ATP2B4: variants seen among roughly 807,000 people sequenced by gnomAD.
The protein encoded by ATP2B4 is ATPase plasma membrane Ca2+ transporting 4.
ATP2B4 carries 39 observed loss-of-function variants against 110.3 expected under a neutral mutation model. The observed-to-expected ratio is 0.35, with a 90% CI of 0.27 to 0.46. The LOEUF (loss-of-function observed/expected upper bound fraction) is 0.46, where lower values mean the gene tolerates loss of function less well. ATP2B4 is among the 20% of genes least tolerant of loss of function. ATP2B4 has a pLI of 1.00. For missense variants in ATP2B4, 1,135 were observed against 1,530.9 expected (o/e 0.74, Z 4.32); for synonymous variants, 538 against 571.7 (o/e 0.94, Z 0.84).
intron 1 of ATP2B4, among the ~76,000 whole-genome samples, chr1:203,680,608 C>CAAA (rs372298550): frequency 7.6e-5 from 10 of 130,784 alleles, no homozygotes; most frequent in East Asian, 4.6e-4. Context: ...GACTCCGTCT[C>CAAA]AAAAAAAAAA....
chr1:203,739,764 T>C lies in ATP2B4; in HGVS notation c.3528T>C (p.Tyr1176=), dbSNP rs755549383. 5 of 1,614,074 alleles carry C rather than the reference T, an allele frequency of 3.1e-6. No homozygotes were observed. The African/African-American group carries it at 4.0e-5, about 13-fold the overall frequency. The change falls in exon 21 of 21, where the codon TAT becomes TAC. Residue 1176 remains tyrosine (Y), a synonymous_variant. Transcript: ENST00000357681. ...VLLLDGEVTP[Y]ANTNNNAVDC... ...TGTTGGATGGTGAGGTCACTCCATA[T>C]GCCAATACAAACAACAATGCGGTGG... is the stretch of plus-strand genomic sequence containing the variant.
chr1:203,720,848 A>G (rs1666300002), intron 16 of ATP2B4, 108 bp downstream of exon 16: 3 of 1,313,894 alleles, frequency 2.3e-6, no homozygotes, highest in South Asian at 1.5e-5. Flanking sequence ...GCGTTTCCCC[A>G]TGACATTGGG....
At chr1:203,691,819 AT>A (rs1665385292) in intron 2 of ATP2B4, among the ~76,000 whole-genome samples, 2 of 152,194 alleles carry the variant, frequency 1.3e-5, no homozygotes, top group South Asian at 4.2e-4. Context: ...CCCTATTTTG[AT>A]TTTAAGTTAC....
At chr1:203,701,853 G>A (rs1198864247) in intron 6 of ATP2B4, among the ~76,000 whole-genome samples, 191 bp from the exon 7 acceptor site, 7 of 152,166 alleles carry the variant, frequency 4.6e-5, no homozygotes, top group Non-Finnish European at 8.8e-5. Flanking sequence ...TGGATATCCC[G>A]AGGATTCATG....
intron 2 of ATP2B4, among the ~76,000 whole-genome samples, chr1:203,695,390 G>C (rs1055457915): frequency 2.0e-5 from 3 of 152,200 alleles, no homozygotes; most frequent in African/African-American, 7.2e-5. Context: ...CCCAGGCTCT[G>C]GCTTTCCCTC....
intron 20 of ATP2B4, among the ~76,000 whole-genome samples, chr1:203,735,253 A>G (rs1186720725): frequency 6.6e-6 from 1 of 152,164 alleles, no homozygotes; most frequent in Non-Finnish European, 1.5e-5. Context: ...TTGGAGTATT[A>G]TCAACTCACA....
intron 1 of ATP2B4, among the ~76,000 whole-genome samples, chr1:203,649,372 C>T (rs766788413): frequency 6.6e-6 from 1 of 152,172 alleles, no homozygotes; most frequent in South Asian, 2.1e-4. Flanking sequence ...GTCACTTAAC[C>T]TCTGAGCCTC....
chr1:203,707,351 G>A, intron 9 of ATP2B4, 128 bp downstream of exon 9: 3 of 800,768 alleles, frequency 3.7e-6, no homozygotes, highest in Non-Finnish European at 5.8e-6. Flanking sequence ...CACAAGAGCA[G>A]AAGTCCCTGG....
intron 1 of ATP2B4, among the ~76,000 whole-genome samples, chr1:203,655,741 TAA>T (rs2102324785): frequency 6.6e-6 from 1 of 152,240 alleles, no homozygotes; most frequent in East Asian, 1.9e-4. Flanking sequence ...GAAGTCTCAC[TAA>T]AAAGTCAATC....
rs1466505681 is a variant in ATP2B4 at position 203,683,180 on chromosome 1, T to C, written c.-26T>C. On this transcript the variant is annotated 5_prime_UTR_variant, in exon 2 of 21. Coordinates refer to ENST00000357681, the MANE Select transcript of ATP2B4 (RefSeq NM_001684.5). ...AGGGAAACGCTACATCTTCTCTGGT[T>C]GAGGGGCTTGGTAACAGCAGGCAAA... 1 of 1,606,384 alleles carries C rather than the reference T, an allele frequency of 6.2e-7. No homozygotes were observed. The highest frequency in any genetic ancestry group is 1.7e-5 in the Admixed American group (1 of 59,668).
intron 15 of ATP2B4, among the ~76,000 whole-genome samples, chr1:203,719,954 T>C (rs1392049762): frequency 6.6e-6 from 1 of 151,824 alleles, no homozygotes; most frequent in East Asian, 1.9e-4. Flanking sequence ...ATGCCTGTAG[T>C]CCCGTTACTC....
At chr1:203,735,812 C>T (rs1352817215) in intron 20 of ATP2B4, among the ~76,000 whole-genome samples, 1 of 152,126 alleles carries the variant, frequency 6.6e-6, no homozygotes, top group Non-Finnish European at 1.5e-5. Context: ...AGCTTCTGTT[C>T]TGTTTTAATC....
At chr1:203,637,898 T>C (rs1338526377) in intron 1 of ATP2B4, among the ~76,000 whole-genome samples, 1 of 152,216 alleles carries the variant, frequency 6.6e-6, no homozygotes, top group East Asian at 1.9e-4. Context: ...ATTCATCCTC[T>C]GTCTAGTGGG....
intron 1 of ATP2B4, among the ~76,000 whole-genome samples, chr1:203,637,394 C>G (rs1313500290): frequency 1.3e-5 from 2 of 149,660 alleles, no homozygotes; most frequent in Non-Finnish European, 3.0e-5. Flanking sequence ...CGAGATCGCA[C>G]CACTGCACTC....
At chr1:203,718,459 C>G (rs1233584347) in intron 15 of ATP2B4, among the ~76,000 whole-genome samples, 1 of 151,998 alleles carries the variant, frequency 6.6e-6, no homozygotes, top group East Asian at 1.9e-4. Flanking sequence ...CCACCACACC[C>G]TGCTAATTTT....
intron 20 of ATP2B4, chr1:203,733,399 C>A: frequency 1.2e-6 from 2 of 1,612,594 alleles, no homozygotes; most frequent in Non-Finnish European, 1.7e-6. Context: ...CTCCTATGGG[C>A]AGTGAGTGAT....
At chr1:203,733,016 G>A (rs1666776071) in intron 20 of ATP2B4, among the ~76,000 whole-genome samples, 1 of 152,160 alleles carries the variant, frequency 6.6e-6, no homozygotes, top group African/African-American at 2.4e-5. Flanking sequence ...TTCCCTAAGT[G>A]AAGTATGATA....
At chr1:203,664,306 A>G (rs1664437603) in intron 1 of ATP2B4, among the ~76,000 whole-genome samples, 1 of 152,186 alleles carries the variant, frequency 6.6e-6, no homozygotes, top group Non-Finnish European at 1.5e-5. Flanking sequence ...CCTGGTACAC[A>G]GAGCCAAGGG....
At chr1:203,727,619 T>C (rs775970738) in intron 20 of ATP2B4, 48 bp downstream of exon 20, 2 of 1,605,998 alleles carry the variant, frequency 1.2e-6, no homozygotes, top group Non-Finnish European at 1.7e-6. Flanking sequence ...CAGCTTCCCA[T>C]CTTGGAAGGT....
Sources: gnomAD v4.1 joint callset for allele counts (sites outside exome capture counted in the v4.1 genomes callset) on GRCh38, gnomAD v4.1.1 for gene constraint, MANE v1.5 for transcripts, NCBI Gene and HGNC (gene_info 2026-07-23, HGNC 2026-07-21) for gene names.